The following PDE1C variants were observed in gnomAD, a reference collection of about 807,000 sequenced individuals.
PDE1C encodes the protein dual specificity calcium/calmodulin-dependent 3',5'-cyclic nucleotide phosphodiesterase 1C.
A neutral mutation model predicts 93.1 loss-of-function variants in PDE1C; 62 were observed. The observed-to-expected ratio is 0.67, with a 90% confidence interval of 0.54 to 0.82. PDE1C has a LOEUF of 0.82. PDE1C is among the 40% of genes least tolerant of loss of function. The probability of loss-of-function intolerance (pLI) is 0.00; values close to 1 mark genes in which losing one functional copy is unlikely to be tolerated. For missense variants in PDE1C, 742 were observed against 884.6 expected, an observed-to-expected ratio of 0.84 and a Z score of 2.04; for synonymous variants, 325 against 310.1, an observed-to-expected ratio of 1.05 and a Z score of -0.50.
chr7:31,875,691 T>C (rs1318018963), intron 5 of PDE1C, among the ~76,000 whole-genome samples: 1 of 149,606 alleles, frequency 6.7e-6, no homozygotes, highest in Non-Finnish European at 1.5e-5. Context: ...ACTTCCTGAG[T>C]CACAAAACAG....
intron 3 of PDE1C, among the ~76,000 whole-genome samples, chr7:32,076,860 A>G (rs1235478571): frequency 6.6e-6 from 1 of 151,746 alleles, no homozygotes; most frequent in Non-Finnish European, 1.5e-5. Context: ...AACTAGTTTG[A>G]GTCAGAGTTA....
intron 2 of PDE1C, among the ~76,000 whole-genome samples, chr7:31,983,698 T>G (rs374863529): frequency 1.3e-5 from 2 of 152,204 alleles, no homozygotes; most frequent in East Asian, 3.8e-4. Context: ...CTTTAGTGTC[T>G]CAAAGCATTG....
At chr7:32,251,080 C>T (rs1286094946) in intron 1 of PDE1C, among the ~76,000 whole-genome samples, 10 of 152,324 alleles carry the variant, frequency 6.6e-5, no homozygotes, top group East Asian at 1.9e-4. Context: ...CACAAGCGCG[C>T]GTGCGCACAC....
intron 7 of PDE1C, among the ~76,000 whole-genome samples, chr7:31,853,736 G>T (rs964511053): frequency 2.6e-5 from 4 of 151,928 alleles, no homozygotes; most frequent in African/African-American, 9.7e-5. Context: ...TTTAAACAGG[G>T]TCTCACTCTG....
At chr7:32,015,644 T>G (rs1390369529) in intron 2 of PDE1C, among the ~76,000 whole-genome samples, 1 of 152,096 alleles carries the variant, frequency 6.6e-6, no homozygotes, top group African/African-American at 2.4e-5. Flanking sequence ...TATTTTTTGC[T>G]GATAAATTTT....
At chr7:32,273,463 C>T (rs1811092394) in intron 1 of PDE1C, among the ~76,000 whole-genome samples, 1 of 152,196 alleles carries the variant, frequency 6.6e-6, no homozygotes, top group Non-Finnish European at 1.5e-5. Context: ...ACAGTCATCC[C>T]ACTATTTCTT....
At chr7:32,255,563 G>A (rs6977468) in intron 1 of PDE1C, among the ~76,000 whole-genome samples, 21,962 of 152,130 alleles carry the variant, frequency 0.14, 1,831 homozygotes, top group African/African-American at 0.23. Flanking sequence ...ACGATGCACT[G>A]CACTAAGTAT....
chr7:32,111,073 T>C (rs553125210), intron 3 of PDE1C, among the ~76,000 whole-genome samples: 1 of 152,020 alleles, frequency 6.6e-6, no homozygotes, highest in African/African-American at 2.4e-5. Flanking sequence ...CTTCTGAGAG[T>C]GAGGAGCTAT....
rs561127592 is a variant in PDE1C at position 32,267,649 on chromosome 7, C to A, written c.85+31002G>T. On this transcript the variant is annotated intron_variant, in intron 1 of 18. Transcript: ENST00000396193. ...TAACAGCCCAGCAAATGACAGTACC[C>A]CAACCATCTGAAAGTAAGTCTCTTC... Among the ~76,000 whole-genome samples the A allele has an allele frequency of 2.5e-4, 37 of 149,046 alleles. 1 individual carries two copies. The highest frequency in any genetic ancestry group is 3.6e-3 in the Middle Eastern group (1 of 278).
At chr7:32,057,605 C>A (rs577620695) in intron 1 of PDE1C, among the ~76,000 whole-genome samples, 4 of 152,318 alleles carry the variant, frequency 2.6e-5, no homozygotes, top group African/African-American at 7.2e-5. Flanking sequence ...CTTCTAGACC[C>A]TGAACTTCAT....
At chr7:32,205,961 G>A (rs73106516) in intron 2 of PDE1C, among the ~76,000 whole-genome samples, 3 of 152,024 alleles carry the variant, frequency 2.0e-5, no homozygotes, top group Admixed American at 6.5e-5. Flanking sequence ...TCACCAGGTG[G>A]GTCCATGTTT....
At chr7:31,961,252 A>ATG (rs376293124) in intron 2 of PDE1C, among the ~76,000 whole-genome samples, 1 of 151,366 alleles carries the variant, frequency 6.6e-6, no homozygotes, top group Non-Finnish European at 1.5e-5. Flanking sequence ...ATGTATATAT[A>ATG]TATATATATA....
At chr7:31,895,242 A>G (rs147029506) in intron 2 of PDE1C, among the ~76,000 whole-genome samples, 260 of 152,304 alleles carry the variant, frequency 1.7e-3, no homozygotes, top group African/African-American at 5.9e-3. Flanking sequence ...ACAGAGGGTC[A>G]GGGATCAAAT....
chr7:31,617,942 A>AAATGGTAGGAAATGCATTTT, the PDE1C span, among the ~76,000 whole-genome samples: 1 of 152,242 alleles, frequency 6.6e-6, no homozygotes, highest in South Asian at 2.1e-4. Context: ...GTAGTAAAGA[A>AAATGGTAGGAAATGCATTTT]AATGGTAGGA....
chr7:32,257,548 CTT>C (rs1182551325), intron 1 of PDE1C, among the ~76,000 whole-genome samples: 1 of 152,194 alleles, frequency 6.6e-6, no homozygotes, highest in Non-Finnish European at 1.5e-5. Context: ...ATTTAAATGA[CTT>C]AATATTTACA....
chr7:31,625,152 G>T, the PDE1C span, among the ~76,000 whole-genome samples: 1 of 152,132 alleles, frequency 6.6e-6, no homozygotes, highest in Non-Finnish European at 1.5e-5. Flanking sequence ...TGGAGAAATA[G>T]GAACACTTTT....
intron 9 of PDE1C, among the ~76,000 whole-genome samples, chr7:31,839,226 G>A (rs1006037827): frequency 6.8e-6 from 1 of 146,324 alleles, no homozygotes; most frequent in Non-Finnish European, 1.5e-5. Context: ...GTATACATAC[G>A]TATATGTATG....
intron 1 of PDE1C, among the ~76,000 whole-genome samples, chr7:32,387,129 C>G (rs1194712643): frequency 7.3e-5 from 11 of 151,042 alleles, no homozygotes. Flanking sequence ...CATCTTGCAC[C>G]GCCCTTAATC....
chr7:31,905,448 G>T (rs1800474242), intron 2 of PDE1C, among the ~76,000 whole-genome samples: 1 of 152,044 alleles, frequency 6.6e-6, no homozygotes, highest in Admixed American at 6.6e-5. Flanking sequence ...TTTTCTTGCA[G>T]GATTATCTTG....
Sources: gnomAD v4.1 joint callset for allele counts (sites outside exome capture counted in the v4.1 genomes callset) on GRCh38, gnomAD v4.1.1 for gene constraint, MANE v1.5 for transcripts, NCBI Gene and HGNC (gene_info 2026-07-23, HGNC 2026-07-21) for gene names.